Variants in BRK1 observed in about 807,000 individuals in gnomAD.
The protein encoded by BRK1 is BRICK1 subunit of SCAR/WAVE actin nucleating complex.
In BRK1, 6 loss-of-function variants were observed where a neutral mutation model predicts 9.9. That is an observed-to-expected ratio of 0.60 (90% CI 0.33 to 1.19). The LOEUF (loss-of-function observed/expected upper bound fraction) is 1.19, where lower values mean the gene tolerates loss of function less well. Among genes scored for constraint, BRK1 ranks in the 50% most tolerant of loss-of-function variants. BRK1 has a pLI of 0.04. For missense variants in BRK1, 62 were observed against 97.5 expected, an observed-to-expected ratio of 0.64 and a Z score of 1.53; for synonymous variants, 44 against 31.9, an observed-to-expected ratio of 1.38 and a Z score of -1.28.
At position 10,125,659 on chromosome 3, in the gene BRK1, A is replaced by G. The variant is rs752896650; in HGVS notation, c.152A>G (p.Asn51Ser). 1.2e-6 allele frequency: 2 copies of G among 1,613,080 alleles called. No individual in the cohort carries two copies. The highest frequency in any genetic ancestry group is 1.1e-5 in the South Asian group (1 of 90,858). ...MSCRSRLATL[N>S]EKLTALERRI... ...TGTCGTTCAAGACTTGCAACACTAA[A>G]CGAGAAATTGACAGCCCTTGAACGG... The change falls in exon 2 of 3, where the codon AAC becomes AGC. Residue 51 changes from asparagine (N) to serine (S), a missense_variant. Coordinates refer to ENST00000530758, the MANE Select transcript of BRK1 (RefSeq NM_018462.5).
intron 1 of BRK1, among the ~76,000 whole-genome samples, chr3:10,120,484 C>T (rs756220942): frequency 3.3e-5 from 5 of 152,074 alleles, no homozygotes; most frequent in Admixed American, 1.3e-4. Context: ...TGTGAACCAC[C>T]GTGCCCGGCC....
At chr3:10,121,921 G>A (rs1183532487) in intron 1 of BRK1, among the ~76,000 whole-genome samples, 8 of 124,096 alleles carry the variant, frequency 6.4e-5, no homozygotes, top group East Asian at 4.7e-4. Context: ...ATGGAGTCTC[G>A]CTCTGTTGCC....
At chr3:10,121,802 G>A (rs537479046) in intron 1 of BRK1, among the ~76,000 whole-genome samples, 6 of 150,326 alleles carry the variant, frequency 4.0e-5, no homozygotes, top group South Asian at 4.2e-4. Flanking sequence ...GTGCAATCTC[G>A]GCTCACTGCC....
At position 10,126,961 on chromosome 3, in the gene BRK1, G is replaced by C. The variant is rs1695849655; in HGVS notation, c.*666G>C. 6.6e-6 allele frequency: 1 copy of C among 152,616 alleles called. No individual in the cohort carries two copies. The highest frequency in any genetic ancestry group is 1.5e-5 in the Non-Finnish European group (1 of 68,050). 9.5% of individuals were successfully genotyped at this position (152,616 alleles called of 1,614,324 possible). A position where few individuals can be genotyped will look rare whatever the true frequency, so the allele number is the denominator to read the frequency against. Reference sequence around the variant, plus strand: ...ATGGTGGGGAGAGGAGCTAGAGATGGGTTCACTTATTGCACAGAAATGTAA... The same window carrying C: ...ATGGTGGGGAGAGGAGCTAGAGATGCGTTCACTTATTGCACAGAAATGTAA... On this transcript the variant is annotated 3_prime_UTR_variant, in exon 3 of 3. Coordinates refer to ENST00000530758, the MANE Select transcript of BRK1 (RefSeq NM_018462.5).
chr3:10,122,222 C>T (rs1266389086), intron 1 of BRK1, among the ~76,000 whole-genome samples: 1 of 152,070 alleles, frequency 6.6e-6, no homozygotes, highest in Non-Finnish European at 1.5e-5. Flanking sequence ...CGCGCCTGGC[C>T]ACTTGTAACT....
chr3:10,118,032 G>C (rs1409551082), intron 1 of BRK1, among the ~76,000 whole-genome samples: 13 of 152,128 alleles, frequency 8.5e-5, no homozygotes, highest in Non-Finnish European at 1.5e-5. Flanking sequence ...GAGGCGAGCA[G>C]ATCACCTGAG....
At chr3:10,124,263 G>A (rs938774969) in intron 1 of BRK1, among the ~76,000 whole-genome samples, 4 of 150,236 alleles carry the variant, frequency 2.7e-5, no homozygotes, top group African/African-American at 9.8e-5. Flanking sequence ...GACAATCCTG[G>A]CCAACATGGT....
chr3:10,116,021 C>T (rs535731896), intron 1 of BRK1, among the ~76,000 whole-genome samples: 2 of 152,268 alleles, frequency 1.3e-5, no homozygotes, highest in East Asian at 1.9e-4. Flanking sequence ...TCCTGCCCTA[C>T]GCTGAGCTCA....
chr3:10,121,736 CTT>C (rs112279447), intron 1 of BRK1, among the ~76,000 whole-genome samples: 3 of 147,038 alleles, frequency 2.0e-5, no homozygotes, highest in South Asian at 2.2e-4. Flanking sequence ...ATTCCTCAAA[CTT>C]TTTTTTTTTT....
At chr3:10,117,888 A>G (rs1430685148) in intron 1 of BRK1, among the ~76,000 whole-genome samples, 1 of 152,204 alleles carries the variant, frequency 6.6e-6, no homozygotes, top group Non-Finnish European at 1.5e-5. Flanking sequence ...ATTAAATACA[A>G]CTAAGTAAGA....
chr3:10,125,317 C>G (rs1695822296), intron 1 of BRK1, among the ~76,000 whole-genome samples: 1 of 152,098 alleles, frequency 6.6e-6, no homozygotes, highest in South Asian at 2.1e-4. Context: ...GTTGGCCAGG[C>G]TGGTCCCGAA....
chr3:10,118,699 C>T (rs945365751), intron 1 of BRK1, among the ~76,000 whole-genome samples: 2 of 152,102 alleles, frequency 1.3e-5, no homozygotes, highest in Non-Finnish European at 2.9e-5. Flanking sequence ...GTTGGCCATG[C>T]TGCTCTTGAA....
In BRK1 at chr3:10,115,728, G is replaced by A. The variant is rs759874650; in HGVS notation, c.27G>A (p.Gln9=). 6.2e-7 allele frequency: 1 copy of A among 1,613,958 alleles called. No individual in the cohort carries two copies. Among genetic ancestry groups the A allele is most frequent in the African/African-American group, 1.3e-5 (1 of 75,060 alleles). The change falls in exon 1 of 3, where the codon CAG becomes CAA. Residue 9 remains glutamine, a synonymous_variant. Transcript: ENST00000530758. The part of the protein sequence containing the change: MAGQEDPV[Q]REIHQDWANR... ...TGGCGGGACAGGAGGATCCGGTGCA[G>A]CGGGAGATTCACCAGGACTGGGCTA... is the stretch of plus-strand genomic sequence containing the variant.
chr3:10,121,179 GAC>G (rs1313592294), intron 1 of BRK1, among the ~76,000 whole-genome samples: 1 of 152,202 alleles, frequency 6.6e-6, no homozygotes, highest in Non-Finnish European at 1.5e-5. Flanking sequence ...ACTGAGGGGT[GAC>G]AGAATGGGGA....
chr3:10,119,271 A>G (rs367777242), intron 1 of BRK1, among the ~76,000 whole-genome samples: 1 of 152,156 alleles, frequency 6.6e-6, no homozygotes, highest in Non-Finnish European at 1.5e-5. Flanking sequence ...AGCCTGGCCA[A>G]TATGGCGAAA....
In BRK1 at chr3:10,126,341, C is replaced by T; in HGVS notation, c.*46C>T. The stretch of plus-strand genomic sequence containing the variant: ...GGGAAGTTGCTTTACACAACACAGG[C>T]CACATGGGAAAGGCCCCAGCAGCCT... On this transcript the variant is annotated 3_prime_UTR_variant, in exon 3 of 3. Transcript: ENST00000530758. 2 of 1,547,072 alleles carry T rather than the reference C, an allele frequency of 1.3e-6. No individual in the cohort carries two copies. Among genetic ancestry groups the T allele is most frequent in the Non-Finnish European group, 1.8e-6 (2 of 1,140,120 alleles).
intron 1 of BRK1, among the ~76,000 whole-genome samples, chr3:10,119,046 C>T (rs1575905194): frequency 6.7e-6 from 1 of 148,322 alleles, no homozygotes; most frequent in African/African-American, 2.5e-5. Flanking sequence ...GAGTCTTGTT[C>T]TGTTGCCTGG....
Position 10,126,343 on chromosome 3 carries a change from A to T in BRK1, c.*48A>T. 6.5e-7 allele frequency: 1 copy of T among 1,544,762 alleles called. No individual in the cohort carries two copies. On this transcript the variant is annotated 3_prime_UTR_variant, in exon 3 of 3. Coordinates refer to ENST00000530758, the MANE Select transcript of BRK1 (RefSeq NM_018462.5). ...GAAGTTGCTTTACACAACACAGGCC[A>T]CATGGGAAAGGCCCCAGCAGCCTTC...
At chr3:10,120,588 G>C (rs1237824438) in intron 1 of BRK1, among the ~76,000 whole-genome samples, 2 of 152,180 alleles carry the variant, frequency 1.3e-5, no homozygotes, top group African/African-American at 4.8e-5. Context: ...ACGAGAACTG[G>C]TATTTTCAGT....
Sources: gnomAD v4.1 joint callset for allele counts (sites outside exome capture counted in the v4.1 genomes callset) on GRCh38, gnomAD v4.1.1 for gene constraint, MANE v1.5 for transcripts, NCBI Gene and HGNC (gene_info 2026-07-23, HGNC 2026-07-21) for gene names.